The following GRXCR1 variants were observed in gnomAD, a reference collection of about 807,000 sequenced individuals.
GRXCR1 encodes the protein glutaredoxin and cysteine rich domain containing 1, also known as glutaredoxin domain-containing cysteine-rich protein 1.
In GRXCR1, 27 loss-of-function variants were observed where a neutral mutation model predicts 27.3. The observed-to-expected ratio is 0.99, with a 90% CI of 0.73 to 1.37. The LOEUF is 1.37. GRXCR1 is among the 40% of genes most tolerant of loss of function. GRXCR1 has a pLI of 0.00. For synonymous variants in GRXCR1, 122 were observed against 131.1 expected, an observed-to-expected ratio of 0.93 and a Z score of 0.47; for missense variants, 379 against 354.4, an observed-to-expected ratio of 1.07 and a Z score of -0.56.
At chr4:42,939,194 T>C (rs1027216407) in intron 1 of GRXCR1, among the ~76,000 whole-genome samples, 10 of 152,088 alleles carry the variant, frequency 6.6e-5, no homozygotes, top group Non-Finnish European at 7.4e-5. Context: ...CAATGTTTTG[T>C]AGTTTTCATT....
intron 1 of GRXCR1, among the ~76,000 whole-genome samples, chr4:42,931,632 T>A (rs1747307819): frequency 6.6e-6 from 1 of 151,980 alleles, no homozygotes; most frequent in South Asian, 2.1e-4. Flanking sequence ...ATTTATTTTG[T>A]ACAACATTTT....
intron 1 of GRXCR1, among the ~76,000 whole-genome samples, chr4:42,899,033 G>C (rs1746409746): frequency 6.6e-6 from 1 of 152,078 alleles, no homozygotes; most frequent in Non-Finnish European, 1.5e-5. Context: ...ATAGAACTTA[G>C]AGTCCTGTGA....
Position 42,929,011 on chromosome 4 carries a change from T to C in GRXCR1, c.385-33881T>C, listed in dbSNP as rs186178937. ...AAAGATGTCAAAACATCATTATATA[T>C]AGAAAATAAAAAAATACATACACTA... On this transcript the variant is annotated intron_variant, in intron 1 of 3. Coordinates refer to ENST00000399770, the MANE Select transcript of GRXCR1 (RefSeq NM_001080476.3). 1.0e-3 allele frequency among the ~76,000 whole-genome samples: 156 copies of C among 152,094 alleles called. 2 individuals carry two copies. Among genetic ancestry groups the C allele is most frequent in the African/African-American group, 3.6e-3 (148 of 41,540 alleles).
At chr4:42,964,300 A>G (rs1157307057) in intron 2 of GRXCR1, among the ~76,000 whole-genome samples, 1 of 152,044 alleles carries the variant, frequency 6.6e-6, no homozygotes, top group Non-Finnish European at 1.5e-5. Flanking sequence ...CTGTCATTTC[A>G]TGTAATCCTC....
intron 1 of GRXCR1, among the ~76,000 whole-genome samples, chr4:42,950,622 C>T (rs779094057): frequency 1.3e-5 from 2 of 152,276 alleles, no homozygotes; most frequent in Non-Finnish European, 2.9e-5. Flanking sequence ...CCAGCTATGA[C>T]ACTTTGGGTA....
intron 2 of GRXCR1, among the ~76,000 whole-genome samples, chr4:42,964,722 A>G (rs1037472197): frequency 1.1e-4 from 17 of 152,016 alleles, no homozygotes; most frequent in Non-Finnish European, 2.1e-4. Context: ...GTTTGCTGGT[A>G]TAGTTTTAGG....
intron 2 of GRXCR1, among the ~76,000 whole-genome samples, chr4:43,012,271 A>G (rs1445879530): frequency 6.6e-6 from 1 of 152,210 alleles, no homozygotes; most frequent in Non-Finnish European, 1.5e-5. Context: ...GTGGAATTTT[A>G]TGACTGGAAC....
chr4:42,991,425 C>T (rs989542108), intron 2 of GRXCR1, among the ~76,000 whole-genome samples: 8 of 151,230 alleles, frequency 5.3e-5, no homozygotes, highest in African/African-American at 1.9e-4. Flanking sequence ...TTTTATTATA[C>T]ATATATATCT....
At chr4:42,938,388 A>T (rs1421236611) in intron 1 of GRXCR1, among the ~76,000 whole-genome samples, 1 of 152,040 alleles carries the variant, frequency 6.6e-6, no homozygotes. Flanking sequence ...GCTACAACGA[A>T]CATGGGAGTG....
chr4:42,937,920 T>C (rs1176860757), intron 1 of GRXCR1, among the ~76,000 whole-genome samples: 1 of 151,966 alleles, frequency 6.6e-6, no homozygotes, highest in Admixed American at 6.6e-5. Context: ...CTTTGAGTTA[T>C]AAACATTTCA....
chr4:43,020,564 C>A, intron 3 of GRXCR1, 145 bp downstream of exon 3: 11 of 684,142 alleles, frequency 1.6e-5, no homozygotes, highest in South Asian at 1.6e-5. Context: ...AATTTGATAT[C>A]TTCTGTTATT....
At chr4:42,992,501 A>T (rs1712005308) in intron 2 of GRXCR1, among the ~76,000 whole-genome samples, 1 of 152,126 alleles carries the variant, frequency 6.6e-6, no homozygotes, top group African/African-American at 2.4e-5. Flanking sequence ...TCAGTTAATG[A>T]TCCAAATAAT....
At chr4:42,956,678 C>T (rs1748011767) in intron 1 of GRXCR1, among the ~76,000 whole-genome samples, 2 of 152,076 alleles carry the variant, frequency 1.3e-5, no homozygotes, top group African/African-American at 4.8e-5. Context: ...GCCTCAGTCT[C>T]CTGAGCAAGG....
intron 3 of GRXCR1, among the ~76,000 whole-genome samples, chr4:43,021,987 C>T (rs1170440142): frequency 1.3e-5 from 2 of 152,062 alleles, no homozygotes; most frequent in Non-Finnish European, 2.9e-5. Flanking sequence ...TCTATTAAAT[C>T]GGGGTGTGTA....
intron 1 of GRXCR1, among the ~76,000 whole-genome samples, chr4:42,916,007 C>G (rs1746877060): frequency 6.6e-6 from 1 of 151,452 alleles, no homozygotes; most frequent in Non-Finnish European, 1.5e-5. Flanking sequence ...CAATTTTATT[C>G]CCAGCCAAGC....
At position 42,963,057 on chromosome 4, in the gene GRXCR1, GAGTT is replaced by G; in HGVS notation, c.553_556del (p.Leu185ThrfsTer32). Reference sequence around the variant, plus strand: ...AGCCCTGAATGGTGAATATGGAAAAGAGTTAGACGAACGATGCCGACGAGTTTCT... The same window carrying G: ...AGCCCTGAATGGTGAATATGGAAAAGAGACGAACGATGCCGACGAGTTTCT... On this transcript the variant is annotated frameshift_variant, in exon 2 of 4. Coordinates refer to ENST00000399770, the MANE Select transcript of GRXCR1 (RefSeq NM_001080476.3). LOFTEE classifies it high-confidence loss of function. 6.2e-7 allele frequency: 1 copy of G among 1,612,866 alleles called. No homozygotes were observed. The highest frequency in any genetic ancestry group is 8.5e-7 in the Non-Finnish European group (1 of 1,179,086).
chr4:43,006,266 TTGAAAAAA>T (rs1712555324), intron 2 of GRXCR1, among the ~76,000 whole-genome samples: 95 of 152,272 alleles, frequency 6.2e-4, no homozygotes, highest in African/African-American at 1.9e-3. Flanking sequence ...TGTGGGCACC[TTGAAAAAA>T]GAACAGGATA....
intron 1 of GRXCR1, among the ~76,000 whole-genome samples, chr4:42,904,195 C>A (rs1030020518): frequency 1.3e-5 from 2 of 152,184 alleles, no homozygotes; most frequent in Non-Finnish European, 2.9e-5. Context: ...CATTGCTACT[C>A]CTTCAGTCCA....
chr4:42,900,054 G>A (rs992386191), intron 1 of GRXCR1, among the ~76,000 whole-genome samples: 4 of 152,134 alleles, frequency 2.6e-5, no homozygotes, highest in East Asian at 3.9e-4. Flanking sequence ...CAAGGCAAAC[G>A]TTCTTTTGCT....
Sources: gnomAD v4.1 joint callset for allele counts (sites outside exome capture counted in the v4.1 genomes callset) on GRCh38, gnomAD v4.1.1 for gene constraint, MANE v1.5 for transcripts, NCBI Gene and HGNC (gene_info 2026-07-23, HGNC 2026-07-21) for gene names.